HCLS1: variants seen among roughly 807,000 people sequenced by gnomAD.
The protein encoded by HCLS1 is hematopoietic cell-specific Lyn substrate 1.
Under a neutral mutation model 68.6 loss-of-function variants are expected in HCLS1, and 44 were observed. The ratio of observed to expected loss-of-function variants is 0.64; its 90% CI spans 0.50 to 0.82. The LOEUF (loss-of-function observed/expected upper bound fraction) is 0.82. HCLS1 is among the 40% of genes least tolerant of loss of function. The pLI is 0.00. For synonymous variants in HCLS1, 217 were observed against 225.8 expected, an observed-to-expected ratio of 0.96 and a Z score of 0.35; for missense variants, 602 against 612.1, an observed-to-expected ratio of 0.98 and a Z score of 0.17.
At chr3:121,658,487 A>T in intron 1 of HCLS1, 140 bp from the exon 2 acceptor site, 1 of 662,238 alleles carries the variant, frequency 1.5e-6, no homozygotes, top group South Asian at 1.9e-5. Flanking sequence ...AAAATGAAGC[A>T]AAGCAAATGG....
At chr3:121,650,145 A>G (rs1937710184) in intron 3 of HCLS1, among the ~76,000 whole-genome samples, 1 of 152,226 alleles carries the variant, frequency 6.6e-6, no homozygotes, top group Non-Finnish European at 1.5e-5. Flanking sequence ...CTAAACACTA[A>G]AAAATATTTC....
In HCLS1 at chr3:121,631,695, T is replaced by C. The variant is rs2049098627; in HGVS notation, c.*151A>G. 9 of 734,210 alleles carry C rather than the reference T, an allele frequency of 1.2e-5. No homozygotes were observed. The East Asian group carries it at 2.4e-4, about 20-fold the overall frequency. 45.5% of individuals were successfully genotyped at this position (734,210 alleles called of 1,614,324 possible). Reference sequence around the variant, plus strand: ...GGGAAGGGGACCTCCTTCCCCATGCTGTCTCTGCCCCAAGCCCTTAATGAA... The same window carrying C: ...GGGAAGGGGACCTCCTTCCCCATGCCGTCTCTGCCCCAAGCCCTTAATGAA... On this transcript the variant is annotated 3_prime_UTR_variant, in exon 14 of 14. Coordinates refer to ENST00000314583, the MANE Select transcript of HCLS1 (RefSeq NM_005335.6).
intron 3 of HCLS1, chr3:121,653,603 T>C (rs1937797253): frequency 6.6e-6 from 1 of 152,178 alleles, no homozygotes; most frequent in Non-Finnish European, 1.5e-5. Flanking sequence ...CAAGATAGGA[T>C]GGTAAAATAT....
At position 121,632,321 on chromosome 3, in the gene HCLS1, C is replaced by T. The variant is rs1022594630; in HGVS notation, c.1240+11G>A. ...TGAGCAAATTCTCCTGCTTCTCCTC[C>T]CATCACTCACCAGCCAGAGCAGAAG... On this transcript the variant is annotated intron_variant, in intron 12 of 13. Transcript: ENST00000314583. 6.2e-7 allele frequency: 1 copy of T among 1,612,896 alleles called. No individual in the cohort carries two copies. Among genetic ancestry groups the T allele is most frequent in the African/African-American group, 1.3e-5 (1 of 74,916 alleles).
At chr3:121,636,150 C>T (rs185045362) in intron 8 of HCLS1, among the ~76,000 whole-genome samples, 5 of 152,244 alleles carry the variant, frequency 3.3e-5, no homozygotes, top group African/African-American at 9.6e-5. Flanking sequence ...TTGGGTTAAG[C>T]AATGCCAAGA....
rs2049233292 is a variant in HCLS1, at chr3:121,645,010, G to T, written c.289-82C>A. The T allele has an allele frequency of 5.6e-6, 6 of 1,063,950 alleles. No individual in the cohort carries two copies. In the Admixed American group the frequency reaches 7.4e-5, roughly 13 times the overall value. The allele number at this position is 1,063,950 out of a possible 1,614,324, so 65.9% of individuals were successfully genotyped here. On this transcript the variant is annotated intron_variant, in intron 4 of 13. Coordinates refer to ENST00000314583, the MANE Select transcript of HCLS1 (RefSeq NM_005335.6). ...AATACAGATATGGAGTGGGATGTAG[G>T]CATGTAAGAAATTCCATTCTGGGTC...
At chr3:121,642,379 G>C (rs13071671) in intron 6 of HCLS1, among the ~76,000 whole-genome samples, 2 of 151,980 alleles carry the variant, frequency 1.3e-5, no homozygotes, top group Non-Finnish European at 2.9e-5. Flanking sequence ...TGAGGCAGGA[G>C]AATGGCGTGA....
At chr3:121,642,455 C>G (rs1189251093) in intron 6 of HCLS1, among the ~76,000 whole-genome samples, 1 of 151,708 alleles carries the variant, frequency 6.6e-6, no homozygotes, top group African/African-American at 2.4e-5. Context: ...GGTGACAGAG[C>G]GAGACTCCCT....
intron 5 of HCLS1, chr3:121,644,408 T>C: frequency 3.1e-6 from 1 of 318,702 alleles, no homozygotes; most frequent in Non-Finnish European, 6.3e-6. Flanking sequence ...TTTAACTTGA[T>C]TATCTGCTGC....
intron 6 of HCLS1, among the ~76,000 whole-genome samples, chr3:121,641,167 T>C (rs181944314): frequency 6.6e-6 from 1 of 151,738 alleles, no homozygotes; most frequent in East Asian, 1.9e-4. Flanking sequence ...ACCCTAATAA[T>C]AGTGAAGAAT....
chr3:121,651,071 G>T (rs1486036274), intron 3 of HCLS1, among the ~76,000 whole-genome samples: 3 of 152,258 alleles, frequency 2.0e-5, no homozygotes, highest in Non-Finnish European at 4.4e-5. Flanking sequence ...GGAGGCAGAG[G>T]TTGCAGTGAG....
chr3:121,643,176 C>T (rs866173824), intron 5 of HCLS1, 195 bp from the exon 6 acceptor site: 1 of 498,320 alleles, frequency 2.0e-6, no homozygotes, highest in Non-Finnish European at 3.7e-6. Context: ...TGGACACAGA[C>T]AGTTTTAGGT....
intron 1 of HCLS1, among the ~76,000 whole-genome samples, chr3:121,659,675 C>G (rs1351308529): frequency 1.3e-5 from 2 of 152,156 alleles, no homozygotes; most frequent in Non-Finnish European, 2.9e-5. Context: ...TTGGCTTTCC[C>G]TGATGCGGTT....
chr3:121,632,047 G>C, intron 13 of HCLS1, 54 bp downstream of exon 13: 2 of 1,613,362 alleles, frequency 1.2e-6, no homozygotes, highest in South Asian at 2.2e-5. Flanking sequence ...ATGTCCCCCT[G>C]TCTTATATCA....
chr3:121,647,909 AGC>A (rs1937647859), intron 3 of HCLS1, among the ~76,000 whole-genome samples: 1 of 152,332 alleles, frequency 6.6e-6, no homozygotes, highest in African/African-American at 2.4e-5. Flanking sequence ...AATATGGCAA[AGC>A]TTAATGTCCT....
chr3:121,631,595 G>C lies in HCLS1; in HGVS notation c.*251C>G. On this transcript the variant is annotated 3_prime_UTR_variant, in exon 14 of 14. Coordinates refer to ENST00000314583, the MANE Select transcript of HCLS1 (RefSeq NM_005335.6). ...GGAGAGCAGAGCTTGGGGTGGCAGA[G>C]AGGTGTTCATTGGGAAGGAGTCAGG... The C allele has an allele frequency of 4.3e-6, 2 of 463,708 alleles. No homozygotes were observed. The highest frequency in any genetic ancestry group is 7.8e-6 in the Non-Finnish European group (2 of 257,362). 28.7% of individuals were successfully genotyped at this position (463,708 alleles called of 1,614,324 possible).
chr3:121,644,516 C>T (rs2049227550), intron 5 of HCLS1: 1 of 450,926 alleles, frequency 2.2e-6, no homozygotes, highest in Non-Finnish European at 4.2e-6. Flanking sequence ...TTAGATGATT[C>T]TCTGTTCTAT....
chr3:121,652,893 G>A (rs573921840), intron 3 of HCLS1, among the ~76,000 whole-genome samples: 5 of 152,252 alleles, frequency 3.3e-5, no homozygotes, highest in East Asian at 1.9e-4. Flanking sequence ...CGGACATGAC[G>A]ATATTATGTT....
In HCLS1 at chr3:121,635,761, T is replaced by A; in HGVS notation, c.665A>T (p.Tyr222Phe). ...FNEMEAPTTA[Y>F]KKTTPIEAAS... ...GGCTTCTATGGGCGTCGTCTTCTTA[T>A]AAGCTGTGGTCGGGGCCTCCATTTC... Residue 222 changes from tyrosine (Y) to phenylalanine (F), a missense_variant, in exon 9 of 14, where the codon TAT (tyrosine) becomes TTT (phenylalanine). Physicochemically the swap from Tyr to Phe is conservative, Grantham distance 22. Coordinates refer to ENST00000314583, the MANE Select transcript of HCLS1 (RefSeq NM_005335.6). The A allele has an allele frequency of 6.8e-6, 11 of 1,614,108 alleles. No homozygotes were observed. Among genetic ancestry groups the A allele is most frequent in the Non-Finnish European group, 9.3e-6 (11 of 1,179,980 alleles).
Sources: allele counts gnomAD v4.1 joint callset (sites outside exome capture counted in the v4.1 genomes callset), GRCh38; gene constraint gnomAD v4.1.1; transcripts MANE v1.5; gene names NCBI Gene and HGNC (gene_info 2026-07-23, HGNC 2026-07-21).